SAMD12: variants seen among roughly 807,000 people sequenced by gnomAD.
SAMD12 encodes sterile alpha motif domain-containing protein 12.
Under a neutral mutation model 15.0 loss-of-function variants are expected in SAMD12, and 9 were observed. That is an observed-to-expected ratio of 0.60 (90% CI 0.36 to 1.05). The LOEUF (loss-of-function observed/expected upper bound fraction) is 1.05, where lower values mean the gene tolerates loss of function less well. SAMD12 is among the 50% of genes least tolerant of loss of function. The pLI, the probability that SAMD12 is intolerant of heterozygous loss-of-function variation, is 0.01. For synonymous variants in SAMD12, 86 were observed against 90.1 expected (o/e 0.96, Z 0.25); for missense variants, 230 against 234.2 (o/e 0.98, Z 0.12).
At chr8:118,148,047 C>G in the SAMD12 span, among the ~76,000 whole-genome samples, 1 of 152,182 alleles carries the variant, frequency 6.6e-6, no homozygotes, top group East Asian at 1.9e-4. Flanking sequence ...CCTGCCTCAG[C>G]CTCCGGAATA....
intron 3 of SAMD12, among the ~76,000 whole-genome samples, chr8:118,417,524 T>C (rs1171253111): frequency 6.6e-6 from 1 of 152,176 alleles, no homozygotes; most frequent in African/African-American, 2.4e-5. Context: ...TTAAAGATAA[T>C]TGAACAATTA....
chr8:118,489,198 T>C (rs192839012), intron 2 of SAMD12, among the ~76,000 whole-genome samples: 1 of 152,324 alleles, frequency 6.6e-6, no homozygotes, highest in African/African-American at 2.4e-5. Flanking sequence ...GGTTTGTCTT[T>C]TTTCTCACTG....
At chr8:118,395,330 G>A (rs1197143259) in intron 3 of SAMD12, among the ~76,000 whole-genome samples, 2 of 152,026 alleles carry the variant, frequency 1.3e-5, no homozygotes, top group East Asian at 3.9e-4. Flanking sequence ...GAAGGCCCAG[G>A]CCACTTAGAT....
At chr8:118,574,313 C>T (rs573916000) in intron 2 of SAMD12, among the ~76,000 whole-genome samples, 4 of 152,328 alleles carry the variant, frequency 2.6e-5, no homozygotes, top group East Asian at 1.9e-4. Context: ...CTGTACTCTT[C>T]GTCCACTAGA....
At chr8:118,421,936 G>C (rs1822014080) in intron 3 of SAMD12, among the ~76,000 whole-genome samples, 1 of 152,136 alleles carries the variant, frequency 6.6e-6, no homozygotes, top group Admixed American at 6.6e-5. Context: ...ATCCAAAATA[G>C]GAGTTCTTTA....
At chr8:118,338,035 T>G (rs1019525453) in intron 4 of SAMD12, among the ~76,000 whole-genome samples, 1 of 152,222 alleles carries the variant, frequency 6.6e-6, no homozygotes, top group African/African-American at 2.4e-5. Flanking sequence ...AAGGGGAGAC[T>G]ACTGTACAGC....
At chr8:118,336,628 C>T (rs143550301) in intron 4 of SAMD12, among the ~76,000 whole-genome samples, 2,247 of 152,320 alleles carry the variant, frequency 0.015, 57 homozygotes, top group African/African-American at 0.049. Context: ...AACTAGTTTA[C>T]AGTCCCACCA....
chr8:118,602,951 T>C (rs185321350), intron 1 of SAMD12, among the ~76,000 whole-genome samples: 6 of 152,090 alleles, frequency 3.9e-5, no homozygotes, highest in African/African-American at 1.4e-4. Context: ...CATTAAGAAA[T>C]GATAATCAAT....
chr8:118,336,568 T>C (rs1563773218), intron 4 of SAMD12, among the ~76,000 whole-genome samples: 1 of 151,840 alleles, frequency 6.6e-6, no homozygotes, highest in African/African-American at 2.4e-5. Flanking sequence ...AAATGGTATT[T>C]CTAGTTCTAG....
At chr8:118,487,121 A>G (rs1434614560) in intron 2 of SAMD12, among the ~76,000 whole-genome samples, 2 of 152,170 alleles carry the variant, frequency 1.3e-5, no homozygotes, top group African/African-American at 4.8e-5. Context: ...CAGAATCCCC[A>G]GCACAAGTGT....
At position 118,578,058 on chromosome 8, in the gene SAMD12, C is replaced by G. The variant is rs146762236; in HGVS notation, c.192+2657G>C. On this transcript the variant is annotated intron_variant, in intron 2 of 3. Transcript: ENST00000314727. The stretch of plus-strand genomic sequence containing the variant: ...TCTGCTGCTCAAATTGTGGAAAACC[C>G]TCCTAGACTCAGTGATGCTCTTATA... Among the ~76,000 whole-genome samples, 535 of 152,226 alleles carry G rather than the reference C, an allele frequency of 3.5e-3. 3 individuals are homozygous for G. The highest frequency in any genetic ancestry group is 0.012 in the African/African-American group (512 of 41,552).
chr8:118,579,660 CAGTA>C (rs2131255615), intron 2 of SAMD12, among the ~76,000 whole-genome samples: 1 of 152,224 alleles, frequency 6.6e-6, no homozygotes, highest in Admixed American at 6.5e-5. Context: ...TATTGTACAA[CAGTA>C]AGGTGACCTT....
chr8:118,401,827 A>G (rs566945888), intron 3 of SAMD12, among the ~76,000 whole-genome samples: 1 of 152,308 alleles, frequency 6.6e-6, no homozygotes, highest in Non-Finnish European at 1.5e-5. Context: ...GATTGCTCAA[A>G]TATCTACTAA....
intron 4 of SAMD12, among the ~76,000 whole-genome samples, chr8:118,212,171 T>C (rs565139584): frequency 7.2e-5 from 11 of 152,200 alleles, no homozygotes; most frequent in African/African-American, 2.7e-4. Context: ...TGGCCCAGAA[T>C]GGAGTGTAGT....
At chr8:118,557,126 C>T (rs1826556857) in intron 2 of SAMD12, among the ~76,000 whole-genome samples, 1 of 152,164 alleles carries the variant, frequency 6.6e-6, no homozygotes, top group African/African-American at 2.4e-5. Context: ...CCGGTAATCC[C>T]TACATGTCAA....
chr8:118,279,381 T>C (rs1364458585), intron 4 of SAMD12, among the ~76,000 whole-genome samples: 1 of 152,222 alleles, frequency 6.6e-6, no homozygotes, highest in African/African-American at 2.4e-5. Context: ...CACCTTCCCA[T>C]GCTTTTTACT....
At chr8:118,293,074 A>C (rs191227752) in intron 4 of SAMD12, among the ~76,000 whole-genome samples, 29 of 151,702 alleles carry the variant, frequency 1.9e-4, no homozygotes, top group East Asian at 1.4e-3. Flanking sequence ...AACAAACAAA[A>C]AAAATCAATA....
At chr8:118,307,052 G>C (rs1318479244) in intron 4 of SAMD12, among the ~76,000 whole-genome samples, 2 of 152,184 alleles carry the variant, frequency 1.3e-5, no homozygotes, top group Non-Finnish European at 2.9e-5. Context: ...TTAATTAAAA[G>C]CCTGGGAACA....
chr8:118,144,069 T>C, the SAMD12 span, among the ~76,000 whole-genome samples: 1,813 of 152,236 alleles, frequency 0.012, 35 homozygotes, highest in African/African-American at 0.042. Flanking sequence ...CATTCCTTGG[T>C]GTGGCTGCAT....
Sources: gnomAD v4.1 joint callset for allele counts (sites outside exome capture counted in the v4.1 genomes callset) on GRCh38, gnomAD v4.1.1 for gene constraint, MANE v1.5 for transcripts, NCBI Gene and HGNC (gene_info 2026-07-23, HGNC 2026-07-21) for gene names.